HORMAD2: variants seen among roughly 807,000 people sequenced by gnomAD.
The protein encoded by HORMAD2 is HORMA domain-containing protein 2.
In HORMAD2, 45 loss-of-function variants were observed where a neutral mutation model predicts 38.8. The ratio of observed to expected loss-of-function variants is 1.16; its 90% confidence interval spans 0.91 to 1.49. The LOEUF (loss-of-function observed/expected upper bound fraction) is 1.49. HORMAD2 is among the 40% of genes most tolerant of loss of function. HORMAD2 has a pLI of 0.00. For missense variants in HORMAD2, 338 were observed against 367.0 expected, an observed-to-expected ratio of 0.92 and a Z score of 0.65; for synonymous variants, 126 against 122.8, an observed-to-expected ratio of 1.03 and a Z score of -0.17.
At chr22:30,123,023 T>G (rs1170423997) in intron 10 of HORMAD2, among the ~76,000 whole-genome samples, 1 of 152,216 alleles carries the variant, frequency 6.6e-6, no homozygotes, top group Non-Finnish European at 1.5e-5. Flanking sequence ...TGAGTCTTAT[T>G]TAAAGATAGG....
chr22:30,099,725 A>G (rs2146084498), intron 3 of HORMAD2, among the ~76,000 whole-genome samples: 1 of 152,280 alleles, frequency 6.6e-6, no homozygotes, highest in Admixed American at 6.5e-5. Context: ...TGTCTCTACT[A>G]AAAATACAAA....
At chr22:30,132,535 G>A (rs1213919818) in intron 10 of HORMAD2, among the ~76,000 whole-genome samples, 7 of 137,840 alleles carry the variant, frequency 5.1e-5, no homozygotes, top group East Asian at 2.0e-4. Context: ...GGGAGACTCC[G>A]TCTCAAAAAA....
rs758943637 is a variant in HORMAD2 at position 30,119,051 on chromosome 22, G to A, written c.410+4G>A. ...GAGCCACTATGGATTTTGACAGGTA[G>A]AATCTAACTGCTTAATGAACATGAG... On this transcript the variant is annotated splice_donor_region_variant and intron_variant, in intron 8 of 10. Transcript: ENST00000336726. 1.6e-5 allele frequency: 25 copies of A among 1,558,402 alleles called. No homozygotes were observed. The African/African-American group carries it at 2.7e-4, about 17-fold the overall frequency.
chr22:30,201,840 G>GA, the HORMAD2 span, among the ~76,000 whole-genome samples: 1 of 152,058 alleles, frequency 6.6e-6, no homozygotes, highest in Non-Finnish European at 1.5e-5. Context: ...GATGTACATT[G>GA]AAAAAAAGCA....
intron 10 of HORMAD2, among the ~76,000 whole-genome samples, chr22:30,173,200 A>G (rs928143468): frequency 6.6e-6 from 1 of 152,226 alleles, no homozygotes; most frequent in African/African-American, 2.4e-5. Context: ...CCAAGGCCAT[A>G]AAGCACCTAG....
intron 10 of HORMAD2, among the ~76,000 whole-genome samples, chr22:30,161,043 C>T (rs1162447710): frequency 6.6e-6 from 1 of 152,156 alleles, no homozygotes; most frequent in African/African-American, 2.4e-5. Context: ...TTCTTAGTGA[C>T]TGTATCTTGC....
At chr22:30,205,901 G>A in the HORMAD2 span, among the ~76,000 whole-genome samples, 4 of 152,216 alleles carry the variant, frequency 2.6e-5, no homozygotes, top group East Asian at 7.7e-4. Context: ...AGCAGGGCAG[G>A]GACATTCCCA....
intron 10 of HORMAD2, among the ~76,000 whole-genome samples, chr22:30,174,345 T>C (rs1439155987): frequency 6.6e-6 from 1 of 152,102 alleles, no homozygotes; most frequent in African/African-American, 2.4e-5. Context: ...ACCTGAAAAA[T>C]GTTTCTCAAA....
At chr22:30,192,661 T>C in the HORMAD2 span, among the ~76,000 whole-genome samples, 4 of 152,204 alleles carry the variant, frequency 2.6e-5, no homozygotes, top group African/African-American at 7.2e-5. Context: ...GTCCAAGGGA[T>C]TCTTGTGATT....
the HORMAD2 span, among the ~76,000 whole-genome samples, chr22:30,197,629 C>G: frequency 2.6e-5 from 4 of 152,146 alleles, no homozygotes; most frequent in Non-Finnish European, 5.9e-5. Flanking sequence ...GATACAATTA[C>G]TTTAGTCAAA....
At chr22:30,129,607 C>G (rs1434458733) in intron 10 of HORMAD2, among the ~76,000 whole-genome samples, 1 of 152,046 alleles carries the variant, frequency 6.6e-6, no homozygotes, top group African/African-American at 2.4e-5. Context: ...GGCAATTGAA[C>G]TCCAAAGTAC....
chr22:30,120,827 G>A (rs931298904), intron 8 of HORMAD2, among the ~76,000 whole-genome samples: 2 of 152,154 alleles, frequency 1.3e-5, no homozygotes, highest in Non-Finnish European at 2.9e-5. Flanking sequence ...GGACAGTCAG[G>A]AAGAAAAGTG....
At chr22:30,205,039 G>A in the HORMAD2 span, among the ~76,000 whole-genome samples, 6 of 152,168 alleles carry the variant, frequency 3.9e-5, no homozygotes, top group Non-Finnish European at 7.3e-5. Context: ...CCCAGCAACC[G>A]CTGCTGGGCC....
At chr22:30,204,701 G>A in the HORMAD2 span, among the ~76,000 whole-genome samples, 369 of 152,338 alleles carry the variant, frequency 2.4e-3, no homozygotes, top group African/African-American at 8.2e-3. Context: ...GGGTGATTTC[G>A]AAGGTGATGG....
At chr22:30,188,293 C>G in the HORMAD2 span, among the ~76,000 whole-genome samples, 1 of 152,136 alleles carries the variant, frequency 6.6e-6, no homozygotes. Flanking sequence ...TGAAAAGACT[C>G]TCTCTTTTTC....
At chr22:30,146,355 C>G (rs1924415325) in intron 10 of HORMAD2, among the ~76,000 whole-genome samples, 2 of 152,056 alleles carry the variant, frequency 1.3e-5, no homozygotes, top group South Asian at 4.1e-4. Flanking sequence ...ATTAGCCATG[C>G]CTGGGGGCGC....
intron 10 of HORMAD2, among the ~76,000 whole-genome samples, chr22:30,155,091 A>T (rs1239474411): frequency 6.6e-6 from 1 of 151,336 alleles, no homozygotes; most frequent in African/African-American, 2.4e-5. Flanking sequence ...AAAAAAAAAA[A>T]AGAAAGAAAG....
At chr22:30,121,554 A>G (rs1444197093) in intron 8 of HORMAD2, 78 bp from the exon 9 acceptor site, 2 of 1,103,466 alleles carry the variant, frequency 1.8e-6, no homozygotes, top group Non-Finnish European at 2.5e-6. Flanking sequence ...TTACTCACAT[A>G]GTCAAAAGTT....
At chr22:30,191,194 C>G in the HORMAD2 span, among the ~76,000 whole-genome samples, 2 of 152,184 alleles carry the variant, frequency 1.3e-5, no homozygotes, top group South Asian at 2.1e-4. Context: ...CAACTCCAGA[C>G]AGCTCGTCGG....
Sources: allele counts gnomAD v4.1 joint callset (sites outside exome capture counted in the v4.1 genomes callset), GRCh38; gene constraint gnomAD v4.1.1; transcripts MANE v1.5; gene names NCBI Gene and HGNC (gene_info 2026-07-23, HGNC 2026-07-21).